Variants in CNTN4 observed in about 807,000 individuals in gnomAD.
The protein encoded by CNTN4 is contactin-4.
CNTN4 carries 77 observed loss-of-function variants against 122.5 expected under a neutral mutation model. The observed-to-expected ratio is 0.63, with a 90% confidence interval of 0.52 to 0.76. The LOEUF is 0.76. CNTN4 is among the 30% of genes least tolerant of loss of function. The probability of loss-of-function intolerance (pLI) is 0.00; values close to 1 mark genes in which losing one functional copy is unlikely to be tolerated. For synonymous variants in CNTN4, 512 were observed against 447.0 expected (o/e 1.15, Z -1.83); for missense variants, 1,256 against 1,259.1 (o/e 1.00, Z 0.04).
rs1305460547 is a variant in CNTN4, at chr3:2,781,885, G to A, written c.358+36188G>A. ...GACTGCAGGCGCCCGCACCACGCCC[G>A]GCTAATTTTTTGTATTTTTAGTAGA... On this transcript the variant is annotated intron_variant, in intron 6 of 24. Transcript: ENST00000418658. 6.4e-5 allele frequency among the ~76,000 whole-genome samples: 4 copies of A among 62,546 alleles called. 1 individual carries two copies. In the South Asian group the frequency reaches 1.4e-3, roughly 22 times the overall value. The allele number at this position is 62,546 out of a possible 152,430, so 41.0% of individuals were successfully genotyped here. A position where few individuals can be genotyped will look rare whatever the true frequency, so the allele number is the denominator to read the frequency against.
chr3:2,236,072 GCTT>G (rs1271158192), intron 2 of CNTN4, among the ~76,000 whole-genome samples: 1 of 152,116 alleles, frequency 6.6e-6, no homozygotes, highest in East Asian at 1.9e-4. Context: ...TTAAGTAAGT[GCTT>G]CTTTAGATAT....
chr3:2,798,365 A>T (rs185106790), intron 6 of CNTN4, among the ~76,000 whole-genome samples: 2 of 143,416 alleles, frequency 1.4e-5, no homozygotes, highest in South Asian at 2.3e-4. Context: ...ATACACACAT[A>T]AATCTATCTA....
chr3:2,634,447 A>G (rs11719214), intron 4 of CNTN4, among the ~76,000 whole-genome samples: 5,417 of 152,264 alleles, frequency 0.036, 125 homozygotes, highest in African/African-American at 0.064. Flanking sequence ...CTGAAGAAGG[A>G]TATTACTTTT....
chr3:2,259,478 A>C lies in CNTN4; in HGVS notation c.-144-79700A>C, dbSNP rs866682259. On this transcript the variant is annotated intron_variant, in intron 2 of 24. Coordinates refer to ENST00000418658, the MANE Select transcript of CNTN4 (RefSeq NM_175607.3). ...TAGTCCGTTTTCACGCTGCTGATAA[A>C]GACATACCCGAGACTGGGTAATTTA... is the stretch of plus-strand genomic sequence containing the variant. Among the ~76,000 whole-genome samples the C allele has an allele frequency of 1.5e-4, 23 of 152,340 alleles. 1 individual carries two copies. Among genetic ancestry groups the C allele is most frequent in the African/African-American group, 5.0e-4 (21 of 41,594 alleles).
intron 13 of CNTN4, among the ~76,000 whole-genome samples, chr3:2,982,941 C>A (rs170995): frequency 6.6e-6 from 1 of 151,954 alleles, no homozygotes; most frequent in Non-Finnish European, 1.5e-5. Flanking sequence ...GCTTGCCGGG[C>A]GCAGTGGCTC....
At chr3:2,253,285 A>G (rs983126866) in intron 2 of CNTN4, among the ~76,000 whole-genome samples, 2 of 152,150 alleles carry the variant, frequency 1.3e-5, no homozygotes, top group African/African-American at 4.8e-5. Flanking sequence ...TTTTCTGCCC[A>G]TTAGAATAAA....
intron 4 of CNTN4, among the ~76,000 whole-genome samples, chr3:2,688,523 A>T (rs2085557342): frequency 6.6e-6 from 1 of 152,246 alleles, no homozygotes; most frequent in African/African-American, 2.4e-5. Context: ...TGATGGTGGT[A>T]GAAGGACAGG....
chr3:2,564,208 T>G (rs1027809685), intron 3 of CNTN4, among the ~76,000 whole-genome samples: 1 of 152,156 alleles, frequency 6.6e-6, no homozygotes, highest in Non-Finnish European at 1.5e-5. Context: ...TATTTACCTA[T>G]GGGGACTAAC....
At position 2,260,541 on chromosome 3, in the gene CNTN4, A is replaced by G. The variant is rs146375773; in HGVS notation, c.-144-78637A>G. ...CAGCAGAAGGGAAAACAGGGTATAG[A>G]CATTAAGGACTAGAGTTGGCTGTCT... is the stretch of plus-strand genomic sequence containing the variant. On this transcript the variant is annotated intron_variant, in intron 2 of 24. Coordinates refer to ENST00000418658, the MANE Select transcript of CNTN4 (RefSeq NM_175607.3). Among the ~76,000 whole-genome samples, 1,501 of 152,202 alleles carry G rather than the reference A, an allele frequency of 9.9e-3. 13 individuals carry two copies. The highest frequency in any genetic ancestry group is 0.031 in the Middle Eastern group (9 of 294).
chr3:2,345,897 T>G (rs912900265), intron 3 of CNTN4, among the ~76,000 whole-genome samples: 1 of 152,200 alleles, frequency 6.6e-6, no homozygotes, highest in Non-Finnish European at 1.5e-5. Flanking sequence ...CTGATGATGC[T>G]TGTTGACAAA....
chr3:2,154,674 ATAAAG>A (rs975598159), intron 2 of CNTN4, among the ~76,000 whole-genome samples: 9 of 152,252 alleles, frequency 5.9e-5, no homozygotes, highest in African/African-American at 2.2e-4. Context: ...CAAATAGTGA[ATAAAG>A]TATTTTGCCA....
chr3:2,869,451 A>G (rs1353568800), intron 8 of CNTN4, among the ~76,000 whole-genome samples: 1 of 152,202 alleles, frequency 6.6e-6, no homozygotes, highest in Non-Finnish European at 1.5e-5. Flanking sequence ...AGGATGACAC[A>G]TAGGTTTCTG....
chr3:2,171,998 A>G (rs2036537233), intron 2 of CNTN4, among the ~76,000 whole-genome samples: 1 of 152,198 alleles, frequency 6.6e-6, no homozygotes, highest in Non-Finnish European at 1.5e-5. Flanking sequence ...GCCCACGCTC[A>G]ATCAGCAAGC....
intron 3 of CNTN4, among the ~76,000 whole-genome samples, chr3:2,411,286 T>C (rs1044081367): frequency 1.4e-4 from 21 of 152,296 alleles, no homozygotes; most frequent in Middle Eastern, 3.4e-3. Flanking sequence ...CATTTACTTA[T>C]GTAACAAACC....
chr3:2,340,710 T>TATATATATATATAGAGAG, intron 3 of CNTN4, among the ~76,000 whole-genome samples: 11 of 18,302 alleles, frequency 6.0e-4, no homozygotes, highest in South Asian at 4.8e-3. Flanking sequence ...TATATATATA[T>TATATATATATATAGAGAG]AGAGAGAGAG....
intron 2 of CNTN4, among the ~76,000 whole-genome samples, chr3:2,152,958 C>G: frequency 6.6e-6 from 1 of 152,148 alleles, no homozygotes; most frequent in East Asian, 1.9e-4. Context: ...CCAGCTCATC[C>G]CACATTTGGA....
intron 2 of CNTN4, among the ~76,000 whole-genome samples, chr3:2,281,598 A>G (rs2041717083): frequency 6.6e-6 from 1 of 152,088 alleles, no homozygotes; most frequent in Non-Finnish European, 1.5e-5. Flanking sequence ...CAATGTCATT[A>G]TATACCAACT....
intron 3 of CNTN4, among the ~76,000 whole-genome samples, chr3:2,435,967 A>G (rs1030364753): frequency 2.0e-5 from 3 of 152,208 alleles, no homozygotes; most frequent in African/African-American, 7.2e-5. Context: ...TGAAGAGACA[A>G]TGCAGGTCAA....
At chr3:2,325,159 G>C (rs1280625087) in intron 2 of CNTN4, among the ~76,000 whole-genome samples, 1 of 152,166 alleles carries the variant, frequency 6.6e-6, no homozygotes, top group African/African-American at 2.4e-5. Flanking sequence ...GTTTTCCAGA[G>C]GCTGCGTGAC....
Sources: allele counts gnomAD v4.1 joint callset (sites outside exome capture counted in the v4.1 genomes callset), GRCh38; gene constraint gnomAD v4.1.1; transcripts MANE v1.5; gene names NCBI Gene and HGNC (gene_info 2026-07-23, HGNC 2026-07-21).